The following LRRC42 variants were observed in gnomAD, a reference collection of about 807,000 sequenced individuals.
LRRC42 encodes the protein leucine rich repeat containing 42.
A neutral mutation model predicts 44.3 loss-of-function variants in LRRC42; 43 were observed. That is an observed-to-expected ratio of 0.97 (90% CI 0.76 to 1.25). The LOEUF (loss-of-function observed/expected upper bound fraction) is 1.25, where lower values mean the gene tolerates loss of function less well. Among genes scored for constraint, LRRC42 ranks in the 50% most tolerant of loss-of-function variants. The pLI, the probability that LRRC42 is intolerant of heterozygous loss-of-function variation, is 0.00. For synonymous variants in LRRC42, 207 were observed against 195.2 expected, an observed-to-expected ratio of 1.06 and a Z score of -0.50; for missense variants, 540 against 509.1, an observed-to-expected ratio of 1.06 and a Z score of -0.58.
intron 4 of LRRC42, among the ~76,000 whole-genome samples, chr1:53,959,717 C>T (rs1251056014): frequency 6.6e-6 from 1 of 152,186 alleles, no homozygotes; most frequent in Non-Finnish European, 1.5e-5. Flanking sequence ...CTTTAGCAGA[C>T]TTTCCTGACA....
chr1:53,955,979 C>T (rs1011449853), intron 3 of LRRC42, among the ~76,000 whole-genome samples: 5 of 152,178 alleles, frequency 3.3e-5, no homozygotes, highest in African/African-American at 1.2e-4. Context: ...ACTTGACTGT[C>T]TCATTCAAAT....
In LRRC42 at chr1:53,967,732, C is replaced by G; in HGVS notation, c.1080C>G (p.Ser360=). 6.2e-7 allele frequency: 1 copy of G among 1,614,082 alleles called. No homozygotes were observed. The highest frequency in any genetic ancestry group is 1.7e-5 in the Admixed American group (1 of 60,010). The change falls in exon 9 of 9, where the codon TCC becomes TCG. Residue 360 remains serine, a synonymous_variant. Transcript: ENST00000371370. ...CPLADTHMNS[S]EKLQFYKEKA... Reference sequence around the variant, plus strand: ...TGGCAGACACCCACATGAACTCTTCCGAGAAACTCCAGTTCTATAAAGAGA... The same window carrying G: ...TGGCAGACACCCACATGAACTCTTCGGAGAAACTCCAGTTCTATAAAGAGA...
At position 53,967,837 on chromosome 1, in the gene LRRC42, T is replaced by C. The variant is rs1557650773; in HGVS notation, c.1185T>C (p.Pro395=). 1 of 1,614,140 alleles carries C rather than the reference T, an allele frequency of 6.2e-7. No homozygotes were observed. Among genetic ancestry groups the C allele is most frequent in the Non-Finnish European group, 8.5e-7 (1 of 1,180,024 alleles). The part of the protein sequence containing the change: ...SQESKKSKKR[P]FEESETEQNN... ...AGTCAAAGAAGAGCAAGAAGAGACC[T>C]TTTGAGGAGTCAGAGACAGAACAGA... is the stretch of plus-strand genomic sequence containing the variant. The change falls in exon 9 of 9, where the codon CCT becomes CCC. Residue 395 remains proline, a synonymous_variant. Transcript: ENST00000371370.
intron 5 of LRRC42, 43 bp from the exon 6 acceptor site, chr1:53,961,991 C>A: frequency 1.4e-6 from 2 of 1,415,012 alleles, no homozygotes; most frequent in Non-Finnish European, 2.0e-6. Flanking sequence ...ATTTTAACAG[C>A]ATTTATATTG....
chr1:53,962,571 G>C (rs185589449), intron 7 of LRRC42, among the ~76,000 whole-genome samples, 162 bp downstream of exon 7: 1 of 152,178 alleles, frequency 6.6e-6, no homozygotes, highest in Non-Finnish European at 1.5e-5. Flanking sequence ...ACTGGCCCAC[G>C]TGCTTAAAGA....
intron 3 of LRRC42, 135 bp downstream of exon 3, chr1:53,952,607 A>G (rs1654725192): frequency 3.1e-6 from 2 of 649,834 alleles, no homozygotes; most frequent in Admixed American, 6.6e-5. Context: ...GAAGTAAAAG[A>G]CCATATTGAA....
At position 53,948,834 on chromosome 1, in the gene LRRC42, C is replaced by T. The variant is rs185781060; in HGVS notation, c.-15+1013C>T. ...TTCTCTTGCCTTTCTGGTTCTTAGC[C>T]TTGAAGGGTTCAAATGTTAATTTAA... On this transcript the variant is annotated intron_variant, in intron 2 of 8. Transcript: ENST00000371370. Among the ~76,000 whole-genome samples, 153 of 152,264 alleles carry T rather than the reference C, an allele frequency of 1.0e-3. 1 individual carries two copies. Among genetic ancestry groups the T allele is most frequent in the African/African-American group, 3.5e-3 (147 of 41,548 alleles).
chr1:53,953,700 A>G (rs1476091872), intron 3 of LRRC42, among the ~76,000 whole-genome samples: 1 of 151,140 alleles, frequency 6.6e-6, no homozygotes, highest in Non-Finnish European at 1.5e-5. Context: ...ATACCACTGT[A>G]TGAACTATTC....
intron 7 of LRRC42, among the ~76,000 whole-genome samples, 156 bp downstream of exon 7, chr1:53,962,565 G>A (rs1037523185): frequency 2.6e-5 from 4 of 152,160 alleles, no homozygotes; most frequent in African/African-American, 9.7e-5. Flanking sequence ...GCTATAACTG[G>A]CCCACGTGCT....
At chr1:53,960,228 T>A in intron 4 of LRRC42, 128 bp from the exon 5 acceptor site, 1 of 649,770 alleles carries the variant, frequency 1.5e-6, no homozygotes. Context: ...TTAAATGCAT[T>A]GGGTATGAAA....
chr1:53,963,800 G>A (rs889831173), intron 7 of LRRC42, among the ~76,000 whole-genome samples: 1 of 152,050 alleles, frequency 6.6e-6, no homozygotes, highest in African/African-American at 2.4e-5. Flanking sequence ...TTCTTCAACC[G>A]TATTACACTT....
intron 8 of LRRC42, among the ~76,000 whole-genome samples, chr1:53,967,415 C>T (rs1294557562): frequency 6.6e-6 from 1 of 152,170 alleles, no homozygotes; most frequent in Non-Finnish European, 1.5e-5. Context: ...AGACAAGTCA[C>T]TTACCCACGG....
In LRRC42 at chr1:53,952,231, C is replaced by G; in HGVS notation, c.232C>G (p.Arg78Gly). Residue 78 changes from arginine (R) to glycine (G), a missense_variant, in exon 3 of 9, where the codon CGA (arginine) becomes GGA (glycine). Coordinates refer to ENST00000371370, the MANE Select transcript of LRRC42 (RefSeq NM_001256409.2). ...TGATCATTTCATCTTCACATACACC[C>G]GAGAGGGGAATCTTCGGTACTCCGC... Reference protein sequence around the residue: ...KTDHFIFTYTREGNLRYSAKS... With the variant: ...KTDHFIFTYTGEGNLRYSAKS... The G allele has an allele frequency of 6.2e-7, 1 of 1,614,244 alleles. No individual in the cohort carries two copies. Among genetic ancestry groups the G allele is most frequent in the Non-Finnish European group, 8.5e-7 (1 of 1,180,044 alleles).
intron 2 of LRRC42, among the ~76,000 whole-genome samples, chr1:53,949,739 A>G (rs916691191): frequency 2.0e-5 from 3 of 152,104 alleles, no homozygotes; most frequent in Non-Finnish European, 4.4e-5. Flanking sequence ...CCTGTTTTTT[A>G]GTTTAGTTGT....
Position 53,946,559 on chromosome 1 carries a change from GGC to G in LRRC42, c.-49+11_-49+12del, listed in dbSNP as rs1225256603. ...CCGGGCAGGGGCACAGGTAGGTGGCGGCCGCGGGCCGGGCCGCTCGCGGGGCC... is the reference window on the plus strand; with the variant it reads ...CCGGGCAGGGGCACAGGTAGGTGGCGCGCGGGCCGGGCCGCTCGCGGGGCC... On this transcript the variant is annotated intron_variant, in intron 1 of 8. Transcript: ENST00000371370. 2 of 151,814 alleles carry G rather than the reference GGC, an allele frequency of 1.3e-5. No homozygotes were observed. The highest frequency in any genetic ancestry group is 2.9e-5 in the Non-Finnish European group (2 of 67,882). The allele number at this position is 151,814 out of a possible 1,614,324, so 9.4% of individuals were successfully genotyped here. A position where few individuals can be genotyped will look rare whatever the true frequency, so the allele number is the denominator to read the frequency against.
chr1:53,952,309 A>C lies in LRRC42; in HGVS notation c.310A>C (p.Ile104Leu), dbSNP rs202155653. 6.2e-7 allele frequency: 1 copy of C among 1,614,196 alleles called. No individual in the cohort carries two copies. The highest frequency in any genetic ancestry group is 1.1e-5 in the South Asian group (1 of 91,084). The stretch of plus-strand genomic sequence containing the variant: ...TTTCATCTCCGACAATGTGGATCAC[A>C]TTGATTCCCTTATTGGCTTTCCTGA... ...LGFISDNVDH[I>L]DSLIGFPEQI... Residue 104 changes from isoleucine to leucine, a missense_variant, in exon 3 of 9, where the codon ATT (isoleucine) becomes CTT (leucine). Ile to Leu is a conservative substitution (Grantham distance 5, BLOSUM62 2). Transcript: ENST00000371370.
chr1:53,965,566 G>A (rs1196517668), intron 7 of LRRC42, among the ~76,000 whole-genome samples: 1 of 148,750 alleles, frequency 6.7e-6, no homozygotes, highest in East Asian at 2.0e-4. Context: ...TGCAAGCTCT[G>A]CCTCCCGGGT....
Position 53,962,104 on chromosome 1 carries a change from C to T in LRRC42, c.795C>T (p.Ile265=), listed in dbSNP as rs776767756. 9.3e-6 allele frequency: 15 copies of T among 1,613,454 alleles called. No individual in the cohort carries two copies. In the African/African-American group the frequency reaches 1.6e-4, roughly 17 times the overall value. The change falls in exon 6 of 9, where the codon ATC becomes ATT. Residue 265 remains isoleucine (I), a synonymous_variant. Transcript: ENST00000371370. Reference sequence around the variant, plus strand: ...TTAGGAAACTAAACTGCTTAGATATCTCTGGGACAGGGCTCAAGGTAAGAC... The same window carrying T: ...TTAGGAAACTAAACTGCTTAGATATTTCTGGGACAGGGCTCAAGGTAAGAC... The part of the protein sequence containing the change: ...FSFRKLNCLD[I]SGTGLKDIKT...
At chr1:53,966,190 C>A in intron 7 of LRRC42, 106 bp from the exon 8 acceptor site, 2 of 798,368 alleles carry the variant, frequency 2.5e-6, no homozygotes, top group Non-Finnish European at 4.2e-6. Context: ...TTAAATTTAC[C>A]AGAGGGGTTT....
Sources: allele counts gnomAD v4.1 joint callset (sites outside exome capture counted in the v4.1 genomes callset), GRCh38; gene constraint gnomAD v4.1.1; transcripts MANE v1.5; gene names NCBI Gene and HGNC (gene_info 2026-07-23, HGNC 2026-07-21).